The following LRBA variants were observed in gnomAD, a reference collection of about 807,000 sequenced individuals.
The protein encoded by LRBA is lipopolysaccharide-responsive and beige-like anchor protein.
LRBA carries 176 observed loss-of-function variants against 330.0 expected under a neutral mutation model. That is an observed-to-expected ratio of 0.53 (90% CI 0.47 to 0.60). LRBA has a LOEUF of 0.60. Ranked by LOEUF, LRBA falls within the 20% of genes least tolerant of loss-of-function variation. The pLI is 0.00. For synonymous variants in LRBA, 1,230 were observed against 1,193.0 expected (o/e 1.03, Z -0.64); for missense variants, 3,259 against 3,444.8 (o/e 0.95, Z 1.35).
chr4:150,378,793 G>A (rs1033367970), intron 47 of LRBA, among the ~76,000 whole-genome samples: 6 of 151,986 alleles, frequency 3.9e-5, no homozygotes, highest in Non-Finnish European at 8.8e-5. Context: ...TCTTCAAATC[G>A]AATGACAATA....
At chr4:150,499,830 C>T (rs935616553) in intron 40 of LRBA, among the ~76,000 whole-genome samples, 1 of 152,042 alleles carries the variant, frequency 6.6e-6, no homozygotes, top group African/African-American at 2.4e-5. Flanking sequence ...AATGCCAATT[C>T]TTCCTTCATG....
At chr4:150,986,296 G>A (rs769648502) in intron 2 of LRBA, among the ~76,000 whole-genome samples, 34 of 152,134 alleles carry the variant, frequency 2.2e-4, no homozygotes, top group African/African-American at 5.3e-4. Flanking sequence ...GGAGATGAAC[G>A]GCAGGCAAGC....
intron 35 of LRBA, among the ~76,000 whole-genome samples, chr4:150,761,476 C>T (rs1464524708): frequency 6.6e-6 from 1 of 151,964 alleles, no homozygotes; most frequent in Non-Finnish European, 1.5e-5. Context: ...CATAAAATAA[C>T]TTGATAGAAA....
chr4:150,949,961 C>T (rs1736654104), intron 2 of LRBA, among the ~76,000 whole-genome samples: 1 of 152,072 alleles, frequency 6.6e-6, no homozygotes, highest in African/African-American at 2.4e-5. Flanking sequence ...AACTATATAT[C>T]CTACTGACTC....
At chr4:150,703,678 G>A (rs1335364522) in intron 36 of LRBA, among the ~76,000 whole-genome samples, 1 of 152,098 alleles carries the variant, frequency 6.6e-6, no homozygotes, top group Non-Finnish European at 1.5e-5. Flanking sequence ...GTAAAGGTCA[G>A]CCTTTAACGA....
intron 2 of LRBA, among the ~76,000 whole-genome samples, chr4:151,008,969 CAAAAAA>C (rs1216990774): frequency 0.012 from 22 of 1,886 alleles, no homozygotes; most frequent in Admixed American, 0.083. Flanking sequence ...GACTCCATCT[CAAAAAA>C]AAAAAAAAAA....
chr4:150,818,628 A>T (rs1359620838), intron 30 of LRBA, among the ~76,000 whole-genome samples: 1 of 151,610 alleles, frequency 6.6e-6, no homozygotes, highest in East Asian at 1.9e-4. Flanking sequence ...GCAAAATGTA[A>T]TTTTTGTATT....
intron 38 of LRBA, among the ~76,000 whole-genome samples, chr4:150,598,652 G>A (rs1357829373): frequency 5.3e-5 from 8 of 152,078 alleles, no homozygotes; most frequent in Admixed American, 6.6e-5. Flanking sequence ...AACTTATCTG[G>A]TTTGTAAATG....
At chr4:150,675,028 G>A (rs1163213236) in intron 37 of LRBA, among the ~76,000 whole-genome samples, 2 of 151,922 alleles carry the variant, frequency 1.3e-5, no homozygotes, top group Non-Finnish European at 2.9e-5. Context: ...ACCAGCCTGG[G>A]CAACATAGTG....
chr4:150,373,810 T>C (rs1254652486), intron 47 of LRBA, among the ~76,000 whole-genome samples: 1 of 152,154 alleles, frequency 6.6e-6, no homozygotes, highest in African/African-American at 2.4e-5. Flanking sequence ...ATTTCAACCT[T>C]ACCTCTCCTC....
chr4:150,285,695 C>G (rs879409188), intron 54 of LRBA, among the ~76,000 whole-genome samples: 1 of 152,316 alleles, frequency 6.6e-6, no homozygotes, highest in East Asian at 1.9e-4. Context: ...TCTGTGCTGT[C>G]CAATGTAGTG....
chr4:150,333,709 G>A (rs1019745599), intron 48 of LRBA, among the ~76,000 whole-genome samples: 1 of 152,094 alleles, frequency 6.6e-6, no homozygotes, highest in African/African-American at 2.4e-5. Flanking sequence ...AAAGTTTACT[G>A]TCTAGCTGAC....
chr4:150,967,856 T>G (rs1739078951), intron 2 of LRBA, among the ~76,000 whole-genome samples: 1 of 152,180 alleles, frequency 6.6e-6, no homozygotes, highest in African/African-American at 2.4e-5. Context: ...GTGGTATGTG[T>G]TCTATAGCTC....
At chr4:150,429,308 A>G (rs530034590) in intron 46 of LRBA, among the ~76,000 whole-genome samples, 5 of 152,178 alleles carry the variant, frequency 3.3e-5, no homozygotes, top group African/African-American at 7.2e-5. Flanking sequence ...GTGAAAGGAA[A>G]AGGAAAATCA....
intron 42 of LRBA, among the ~76,000 whole-genome samples, chr4:150,483,812 A>G (rs1757570461): frequency 6.6e-6 from 1 of 152,102 alleles, no homozygotes; most frequent in Non-Finnish European, 1.5e-5. Context: ...TAATTCTCCA[A>G]AACAGTTTTA....
At chr4:150,290,869 A>T (rs1357034454) in intron 53 of LRBA, among the ~76,000 whole-genome samples, 1 of 152,200 alleles carries the variant, frequency 6.6e-6, no homozygotes, top group African/African-American at 2.4e-5. Flanking sequence ...CAACTTACAG[A>T]GACAACTATA....
At chr4:150,543,683 C>T (rs1329082903) in intron 40 of LRBA, among the ~76,000 whole-genome samples, 1 of 152,066 alleles carries the variant, frequency 6.6e-6, no homozygotes, top group Non-Finnish European at 1.5e-5. Context: ...TTTATGATTG[C>T]TTCCCGAGAA....
At chr4:150,903,023 G>A (rs1055535813) in intron 13 of LRBA, among the ~76,000 whole-genome samples, 2 of 152,096 alleles carry the variant, frequency 1.3e-5, no homozygotes, top group African/African-American at 2.4e-5. Flanking sequence ...TAACTACTTC[G>A]TTCTGAGAAC....
chr4:150,807,400 C>CT (rs1206261627), intron 32 of LRBA, among the ~76,000 whole-genome samples: 1 of 152,138 alleles, frequency 6.6e-6, no homozygotes, highest in Middle Eastern at 3.2e-3. Flanking sequence ...ACTAGCTATA[C>CT]TCGAAGCACT....
Sources: allele counts gnomAD v4.1 joint callset (sites outside exome capture counted in the v4.1 genomes callset), GRCh38; gene constraint gnomAD v4.1.1; transcripts MANE v1.5; gene names NCBI Gene and HGNC (gene_info 2026-07-23, HGNC 2026-07-21).